ELAVL4: variants seen among roughly 807,000 people sequenced by gnomAD.
ELAVL4 encodes the protein ELAV-like protein 4.
In ELAVL4, 1 loss-of-function variant was observed where a neutral mutation model predicts 35.6. The ratio of observed to expected loss-of-function variants is 0.03; its 90% CI spans 0.01 to 0.13. The LOEUF (loss-of-function observed/expected upper bound fraction) is 0.13. Ranked by LOEUF, ELAVL4 falls within the 10% of genes least tolerant of loss-of-function variation. ELAVL4 has a pLI of 1.00. For missense variants in ELAVL4, 267 were observed against 464.9 expected (o/e 0.57, Z 3.91); for synonymous variants, 156 against 171.0 (o/e 0.91, Z 0.69).
In ELAVL4 at chr1:50,122,810, A is replaced by C. The variant is rs549230211; in HGVS notation, c.9+13612A>C. The stretch of plus-strand genomic sequence containing the variant: ...TTGTTAATGTTATTTTTACAATGCC[A>C]TTTACTAGCTTTATAAATTCAAGCA... On this transcript the variant is annotated intron_variant, in intron 1 of 6. Coordinates refer to ENST00000371824, the MANE Select transcript of ELAVL4 (RefSeq NM_001144774.3). Among the ~76,000 whole-genome samples the C allele has an allele frequency of 4.2e-4, 64 of 152,202 alleles. 1 individual carries two copies. Among genetic ancestry groups the C allele is most frequent in the African/African-American group, 1.4e-3 (60 of 41,568 alleles).
At position 50,202,086 on chromosome 1, in the gene ELAVL4, A is replaced by T. The variant is rs1228385972; in HGVS notation, c.*908A>T. ...GGATTCGTAGACTGTTTTTTGAAGGATGGGCTATAAACAGATGATCTTCAT... is the reference window on the plus strand; with the variant it reads ...GGATTCGTAGACTGTTTTTTGAAGGTTGGGCTATAAACAGATGATCTTCAT... On this transcript the variant is annotated 3_prime_UTR_variant, in exon 7 of 7. Coordinates refer to ENST00000371824, the MANE Select transcript of ELAVL4 (RefSeq NM_001144774.3). 6.6e-6 allele frequency: 1 copy of T among 152,132 alleles called. No individual in the cohort carries two copies. Among genetic ancestry groups the T allele is most frequent in the Admixed American group, 6.5e-5 (1 of 15,270 alleles). The allele number at this position is 152,132 out of a possible 1,614,324, so 9.4% of individuals were successfully genotyped here. A position where few individuals can be genotyped will look rare whatever the true frequency, so the allele number is the denominator to read the frequency against.
At position 50,109,016 on chromosome 1, in the gene ELAVL4, C is replaced by CGGGCGCG; in HGVS notation, c.-174_-173insGGGCGCG. The CGGGCGCG allele has an allele frequency of 6.6e-6, 6 of 905,722 alleles. No individual in the cohort carries two copies. The highest frequency in any genetic ancestry group is 7.9e-6 in the Non-Finnish European group (6 of 761,342). The allele number at this position is 905,722 out of a possible 1,614,324, so 56.1% of individuals were successfully genotyped here. A position where few individuals can be genotyped will look rare whatever the true frequency, so the allele number is the denominator to read the frequency against. ...CTCCTTTTCTTTTTTTTCTTTCTCT[C>CGGGCGCG]CCCCGCCCACCCCCCCAAAAATAAT... On this transcript the variant is annotated 5_prime_UTR_variant, in exon 1 of 7. Coordinates refer to ENST00000371824, the MANE Select transcript of ELAVL4 (RefSeq NM_001144774.3).
upstream of ELAVL4, among the ~76,000 whole-genome samples, chr1:50,105,079 AT>A (rs890731265): frequency 3.3e-5 from 5 of 151,904 alleles, no homozygotes; most frequent in African/African-American, 9.7e-5. Flanking sequence ...AATATTTTGT[AT>A]TTTTTTTCGG....
At chr1:50,144,756 G>T in intron 1 of ELAVL4, 1 of 799,644 alleles carries the variant, frequency 1.3e-6, no homozygotes, top group Non-Finnish European at 2.2e-6. Flanking sequence ...AAAATCTATG[G>T]GCTGGCCTAA....
upstream of ELAVL4, chr1:50,106,133 G>T: frequency 2.3e-6 from 1 of 443,934 alleles, no homozygotes; most frequent in Non-Finnish European, 4.0e-6. Context: ...TTTTTTATTT[G>T]CAGTTTCAGC....
chr1:50,176,121 G>A (rs1679986791), intron 2 of ELAVL4, among the ~76,000 whole-genome samples: 4 of 152,214 alleles, frequency 2.6e-5, no homozygotes, highest in Admixed American at 6.5e-5. Context: ...TCAGTGGCAC[G>A]ATTGCAAGCA....
At chr1:50,064,625 C>T (rs1664170874) in intron 1 of ELAVL4, among the ~76,000 whole-genome samples, 1 of 152,158 alleles carries the variant, frequency 6.6e-6, no homozygotes. Context: ...CTTGAAGATA[C>T]AGTCACCATG....
At chr1:50,192,044 T>C (rs1027678101) in intron 3 of ELAVL4, among the ~76,000 whole-genome samples, 8 of 152,170 alleles carry the variant, frequency 5.3e-5, no homozygotes, top group African/African-American at 1.9e-4. Flanking sequence ...TGAAGCCCTG[T>C]CCAGACAGTC....
chr1:50,132,141 T>A (rs1276772189), intron 1 of ELAVL4, among the ~76,000 whole-genome samples: 1 of 152,166 alleles, frequency 6.6e-6, no homozygotes. Flanking sequence ...GTTCATGATA[T>A]TTTTAATCGA....
In ELAVL4 at chr1:50,083,034, GT is replaced by G. The variant is rs964034825; in HGVS notation, c.18+34855del. Among the ~76,000 whole-genome samples, 66 of 152,162 alleles carry G rather than the reference GT, an allele frequency of 4.3e-4. 2 individuals are homozygous for G. The highest frequency in any genetic ancestry group is 1.6e-3 in the African/African-American group (66 of 41,522). On this transcript the variant is annotated intron_variant, in intron 1 of 6. Transcript: ENST00000448907. ...AAGATGAAAAAGCATTGGCCAGGAA[GT>G]TTAGCTCTCCTAGAGAATAATACCA...
chr1:50,180,819 A>G (rs888466069), intron 3 of ELAVL4: 2 of 152,264 alleles, frequency 1.3e-5, no homozygotes, highest in African/African-American at 4.8e-5. Flanking sequence ...TTCTGCCAGA[A>G]GAGGAGCTGC....
intron 1 of ELAVL4, among the ~76,000 whole-genome samples, chr1:50,067,920 C>G (rs573931363): frequency 6.6e-6 from 1 of 152,130 alleles, no homozygotes; most frequent in Non-Finnish European, 1.5e-5. Flanking sequence ...CTCCTGAGAA[C>G]TCACTCGCTA....
At chr1:50,133,651 G>GAGAAAGAA (rs1199135172) in intron 1 of ELAVL4, among the ~76,000 whole-genome samples, 4 of 91,882 alleles carry the variant, frequency 4.4e-5, no homozygotes, top group African/African-American at 1.5e-4. Context: ...AAGAAAGAAA[G>GAGAAAGAA]AGAAAGAAAG....
chr1:50,081,614 G>A (rs1328027001), intron 1 of ELAVL4, among the ~76,000 whole-genome samples: 1 of 152,226 alleles, frequency 6.6e-6, no homozygotes, highest in East Asian at 1.9e-4. Flanking sequence ...TTGCAGTGGG[G>A]ATGGGTTTTA....
intron 1 of ELAVL4, among the ~76,000 whole-genome samples, chr1:50,094,655 C>T (rs1301086997): frequency 6.6e-6 from 1 of 151,852 alleles, no homozygotes; most frequent in Admixed American, 6.6e-5. Flanking sequence ...CCTGTAATCC[C>T]AGCACTTTGG....
chr1:50,114,954 C>A (rs905189977), intron 1 of ELAVL4: 1 of 152,060 alleles, frequency 6.6e-6, no homozygotes, highest in Admixed American at 6.6e-5. Flanking sequence ...AATATTTATG[C>A]TTTCCCTTGC....
chr1:50,153,898 G>A (rs1052550900), intron 2 of ELAVL4, among the ~76,000 whole-genome samples: 3 of 152,186 alleles, frequency 2.0e-5, no homozygotes, highest in Admixed American at 1.3e-4. Flanking sequence ...AAGCAAGAAG[G>A]CAGCTATCTG....
At position 50,048,213 on chromosome 1, in the gene ELAVL4, C is replaced by T. The variant is rs574307077; in HGVS notation, c.18+31C>T. ...AGCGCCTCGGCGCAGGCCCCGCACC[C>T]CCGACTCTGCCCGCCCTCTGTTACG... On this transcript the variant is annotated intron_variant, in intron 1 of 6. Transcript: ENST00000448907. 268 of 1,500,906 alleles carry T rather than the reference C, an allele frequency of 1.8e-4. 3 individuals carry two copies. In the East Asian group the frequency reaches 7.1e-3, roughly 40 times the overall value. 93.0% of individuals were successfully genotyped at this position (1,500,906 alleles called of 1,614,324 possible).
chr1:50,194,565 C>G (rs183804595), intron 4 of ELAVL4, among the ~76,000 whole-genome samples: 1 of 152,314 alleles, frequency 6.6e-6, no homozygotes, highest in Admixed American at 6.5e-5. Context: ...AATAGTTTAG[C>G]ACGTTTATCA....
Sources: gnomAD v4.1 joint callset for allele counts (sites outside exome capture counted in the v4.1 genomes callset) on GRCh38, gnomAD v4.1.1 for gene constraint, MANE v1.5 for transcripts, NCBI Gene and HGNC (gene_info 2026-07-23, HGNC 2026-07-21) for gene names.